Variants in TENM3 observed in about 807,000 individuals in gnomAD.
TENM3 encodes the protein teneurin transmembrane protein 3, also known as teneurin-3.
A neutral mutation model predicts 255.1 loss-of-function variants in TENM3; 63 were observed. The ratio of observed to expected loss-of-function variants is 0.25; its 90% CI spans 0.20 to 0.30. The LOEUF (loss-of-function observed/expected upper bound fraction) is 0.30, where lower values mean the gene tolerates loss of function less well. TENM3 is among the 10% of genes least tolerant of loss of function. The probability of loss-of-function intolerance (pLI) is 1.00; values close to 1 mark genes in which losing one functional copy is unlikely to be tolerated. For synonymous variants in TENM3, 1,306 were observed against 1,322.3 expected (o/e 0.99, Z 0.27); for missense variants, 2,929 against 3,461.1 (o/e 0.85, Z 3.86).
the TENM3 span, among the ~76,000 whole-genome samples, chr4:181,483,483 A>C: frequency 6.6e-6 from 1 of 152,156 alleles, no homozygotes; most frequent in East Asian, 1.9e-4. Flanking sequence ...AATAATTCTG[A>C]GAAAAAGTTT....
At chr4:182,045,945 G>A in the TENM3 span, among the ~76,000 whole-genome samples, 2 of 152,176 alleles carry the variant, frequency 1.3e-5, no homozygotes, top group Admixed American at 1.3e-4. Flanking sequence ...CTGCTTGGGA[G>A]GCCAGGATGG....
At chr4:182,513,200 G>T (rs1362355007) in intron 3 of TENM3, among the ~76,000 whole-genome samples, 1 of 152,118 alleles carries the variant, frequency 6.6e-6, no homozygotes, top group Admixed American at 6.5e-5. Context: ...TTCACTTGCT[G>T]CAAAGTTTTC....
At chr4:181,453,369 A>G in the TENM3 span, among the ~76,000 whole-genome samples, 1 of 152,080 alleles carries the variant, frequency 6.6e-6, no homozygotes, top group Non-Finnish European at 1.5e-5. Flanking sequence ...TTCAACGTGG[A>G]GTTTTAGGTA....
chr4:181,852,176 G>A, the TENM3 span, among the ~76,000 whole-genome samples: 1 of 152,180 alleles, frequency 6.6e-6, no homozygotes, highest in South Asian at 2.1e-4. Flanking sequence ...TTAGCGAATG[G>A]GAGTACTAAA....
the TENM3 span, among the ~76,000 whole-genome samples, chr4:181,945,013 T>C: frequency 6.6e-6 from 1 of 152,238 alleles, no homozygotes; most frequent in South Asian, 2.1e-4. Flanking sequence ...TATTGCAAAC[T>C]GTGAAGAAAG....
intron 3 of TENM3, among the ~76,000 whole-genome samples, chr4:182,537,155 G>A (rs921392546): frequency 2.2e-4 from 34 of 152,258 alleles, no homozygotes; most frequent in African/African-American, 7.7e-4. Flanking sequence ...AGAATATCTT[G>A]TCTGATTTCT....
At chr4:182,013,076 C>T in the TENM3 span, among the ~76,000 whole-genome samples, 3 of 152,136 alleles carry the variant, frequency 2.0e-5, no homozygotes, top group Non-Finnish European at 4.4e-5. Context: ...TCACAATTCT[C>T]CACTTTTCCC....
At chr4:182,181,377 C>T (rs1485914718) in intron 1 of TENM3, among the ~76,000 whole-genome samples, 1 of 152,188 alleles carries the variant, frequency 6.6e-6, no homozygotes, top group Non-Finnish European at 1.5e-5. Context: ...AGGGGGCCCT[C>T]CCGTGGGAGG....
intron 3 of TENM3, among the ~76,000 whole-genome samples, chr4:182,435,777 A>C (rs1771995019): frequency 6.6e-6 from 1 of 152,250 alleles, no homozygotes; most frequent in Non-Finnish European, 1.5e-5. Flanking sequence ...GCCTCTGCAG[A>C]GGAAGGTGAT....
the TENM3 span, among the ~76,000 whole-genome samples, chr4:181,767,991 A>G: frequency 2.0e-5 from 3 of 152,326 alleles, no homozygotes; most frequent in Non-Finnish European, 2.9e-5. Flanking sequence ...ACAAGTAATA[A>G]TTTTAATGTA....
the TENM3 span, among the ~76,000 whole-genome samples, chr4:181,709,456 A>G: frequency 6.6e-6 from 1 of 152,276 alleles, no homozygotes; most frequent in African/African-American, 2.4e-5. Context: ...GTGTGAGACC[A>G]TTAAAGAGAT....
At chr4:182,009,585 G>C in the TENM3 span, among the ~76,000 whole-genome samples, 3 of 152,158 alleles carry the variant, frequency 2.0e-5, no homozygotes, top group Non-Finnish European at 4.4e-5. Context: ...GCTCCAGCAG[G>C]GGAAAAGCGC....
chr4:182,133,656 A>G, the TENM3 span, among the ~76,000 whole-genome samples: 2 of 152,220 alleles, frequency 1.3e-5, no homozygotes, highest in Non-Finnish European at 2.9e-5. Flanking sequence ...TAGAAAATAT[A>G]ATCCAAAATT....
At chr4:182,738,222 T>C (rs1301165065) in intron 17 of TENM3, among the ~76,000 whole-genome samples, 179 bp from the exon 18 acceptor site, 1 of 152,126 alleles carries the variant, frequency 6.6e-6, no homozygotes, top group Non-Finnish European at 1.5e-5. Context: ...TTGGAGATCT[T>C]TTTTTAAAAA....
the TENM3 span, among the ~76,000 whole-genome samples, chr4:182,086,108 G>T: frequency 6.6e-6 from 1 of 152,136 alleles, no homozygotes; most frequent in Non-Finnish European, 1.5e-5. Flanking sequence ...GTTTTGGGGG[G>T]ACTATTTGGA....
chr4:181,669,075 A>G, the TENM3 span, among the ~76,000 whole-genome samples: 1 of 152,300 alleles, frequency 6.6e-6, no homozygotes, highest in East Asian at 1.9e-4. Flanking sequence ...AATTTGCAGC[A>G]TTGTCAGGAA....
At chr4:181,815,028 T>G in the TENM3 span, among the ~76,000 whole-genome samples, 11 of 152,042 alleles carry the variant, frequency 7.2e-5, no homozygotes, top group African/African-American at 2.7e-4. Context: ...AGAGCCTGAT[T>G]TAGGAAAAGA....
chr4:182,734,822 G>T (rs960873208), intron 16 of TENM3, among the ~76,000 whole-genome samples: 2 of 152,104 alleles, frequency 1.3e-5, no homozygotes, highest in Non-Finnish European at 2.9e-5. Context: ...TTAAAATCAA[G>T]TACAACACAT....
chr4:182,201,731 A>G (rs937686717), intron 1 of TENM3, among the ~76,000 whole-genome samples: 3 of 152,132 alleles, frequency 2.0e-5, no homozygotes, highest in African/African-American at 7.2e-5. Context: ...GAAACAAAAT[A>G]CACATAGCAT....
Sources: gnomAD v4.1 joint callset for allele counts (sites outside exome capture counted in the v4.1 genomes callset) on GRCh38, gnomAD v4.1.1 for gene constraint, MANE v1.5 for transcripts, NCBI Gene and HGNC (gene_info 2026-07-23, HGNC 2026-07-21) for gene names.